The following DAB1 variants were observed in gnomAD, a reference collection of about 807,000 sequenced individuals.
DAB1 encodes the protein disabled homolog 1.
A neutral mutation model predicts 64.6 loss-of-function variants in DAB1; 15 were observed. That is an observed-to-expected ratio of 0.23 (90% confidence interval 0.16 to 0.36). The LOEUF (loss-of-function observed/expected upper bound fraction) is 0.36. Ranked by LOEUF, DAB1 falls within the 10% of genes least tolerant of loss-of-function variation. The pLI is 1.00. For synonymous variants in DAB1, 235 were observed against 251.9 expected (o/e 0.93, Z 0.64); for missense variants, 596 against 706.7 (o/e 0.84, Z 1.78).
chr1:57,438,711 A>T (rs763733387), intron 7 of DAB1, among the ~76,000 whole-genome samples: 8 of 152,192 alleles, frequency 5.3e-5, no homozygotes, highest in Non-Finnish European at 1.0e-4. Context: ...GAGTCCCATG[A>T]TAATACATTT....
intron 5 of DAB1, among the ~76,000 whole-genome samples, chr1:57,905,333 T>C (rs1373251888): frequency 6.6e-6 from 1 of 151,836 alleles, no homozygotes; most frequent in East Asian, 2.0e-4. Flanking sequence ...TCACAGCAGT[T>C]GAGGTGAGGA....
chr1:57,293,378 T>A (rs1672935382), intron 1 of DAB1, among the ~76,000 whole-genome samples: 1 of 152,170 alleles, frequency 6.6e-6, no homozygotes, highest in Non-Finnish European at 1.5e-5. Flanking sequence ...GCCACATGAT[T>A]TGAGGAAGTT....
intron 6 of DAB1, among the ~76,000 whole-genome samples, chr1:57,736,375 T>C (rs1036279299): frequency 6.6e-6 from 1 of 152,112 alleles, no homozygotes; most frequent in African/African-American, 2.4e-5. Flanking sequence ...TTCTCTAAGG[T>C]AGTTTTGACT....
chr1:57,530,393 G>A (rs995623134), intron 7 of DAB1, among the ~76,000 whole-genome samples: 23 of 152,118 alleles, frequency 1.5e-4, no homozygotes, highest in African/African-American at 5.3e-4. Context: ...TTGGGCACAT[G>A]AACCAATATG....
At chr1:57,328,867 A>G (rs1676405832) in intron 1 of DAB1, among the ~76,000 whole-genome samples, 1 of 152,180 alleles carries the variant, frequency 6.6e-6, no homozygotes, top group African/African-American at 2.4e-5. Flanking sequence ...ATATCTGACC[A>G]TTACTTAGCA....
intron 3 of DAB1, among the ~76,000 whole-genome samples, chr1:58,463,974 A>G (rs1369403872): frequency 1.3e-5 from 2 of 152,246 alleles, no homozygotes; most frequent in Non-Finnish European, 2.9e-5. Context: ...CTGAGCTCAC[A>G]GCTCCAAGCA....
At chr1:57,897,005 C>T (rs964001069) in intron 5 of DAB1, among the ~76,000 whole-genome samples, 1 of 152,052 alleles carries the variant, frequency 6.6e-6, no homozygotes, top group Non-Finnish European at 1.5e-5. Flanking sequence ...ACAGGCTGGC[C>T]GTTTAATGAC....
intron 2 of DAB1, among the ~76,000 whole-genome samples, chr1:57,213,419 T>C (rs1666181424): frequency 6.6e-6 from 1 of 152,068 alleles, no homozygotes; most frequent in Non-Finnish European, 1.5e-5. Flanking sequence ...GCCACCAAAA[T>C]AGATAGTGTA....
At chr1:58,297,316 A>C (rs1662017038) in intron 4 of DAB1, among the ~76,000 whole-genome samples, 1 of 152,190 alleles carries the variant, frequency 6.6e-6, no homozygotes, top group Non-Finnish European at 1.5e-5. Flanking sequence ...TATTACTTGG[A>C]TAGGTTGCTT....
intron 4 of DAB1, among the ~76,000 whole-genome samples, chr1:57,078,924 G>A (rs953674194): frequency 5.3e-5 from 8 of 152,164 alleles, no homozygotes; most frequent in Non-Finnish European, 8.8e-5. Context: ...AGTTAGAAAT[G>A]TCCAAAAATG....
intron 3 of DAB1, among the ~76,000 whole-genome samples, chr1:58,501,983 A>G (rs1215025661): frequency 6.6e-6 from 1 of 152,110 alleles, no homozygotes; most frequent in Non-Finnish European, 1.5e-5. Flanking sequence ...TTACTGCAGA[A>G]TAAGCTTCAT....
intron 7 of DAB1, among the ~76,000 whole-genome samples, chr1:57,499,584 C>A (rs895949049): frequency 6.6e-6 from 1 of 152,010 alleles, no homozygotes; most frequent in Non-Finnish European, 1.5e-5. Flanking sequence ...TGAGTTTGTC[C>A]CGGACTGGTG....
chr1:57,277,375 G>GT (rs903983712), intron 2 of DAB1, among the ~76,000 whole-genome samples: 11 of 151,760 alleles, frequency 7.2e-5, no homozygotes, highest in South Asian at 4.2e-4. Context: ...TATGAAAACG[G>GT]TTTTTTTTCC....
At chr1:58,398,841 T>A (rs1411490837) in intron 3 of DAB1, among the ~76,000 whole-genome samples, 1 of 152,214 alleles carries the variant, frequency 6.6e-6, no homozygotes, top group African/African-American at 2.4e-5. Context: ...CAGTTCTGTT[T>A]CTGCCACTGC....
chr1:57,751,221 T>C (rs1648535147), intron 6 of DAB1, among the ~76,000 whole-genome samples: 1 of 152,082 alleles, frequency 6.6e-6, no homozygotes, highest in African/African-American at 2.4e-5. Context: ...ATCAGATTCC[T>C]TGTTGAGAAT....
At chr1:57,983,209 A>C (rs1484088595) in intron 5 of DAB1, among the ~76,000 whole-genome samples, 2 of 152,204 alleles carry the variant, frequency 1.3e-5, no homozygotes, top group Non-Finnish European at 2.9e-5. Context: ...ACATTCACTA[A>C]ATTTGGAGGT....
chr1:57,679,660 C>T (rs6683878), intron 6 of DAB1, among the ~76,000 whole-genome samples: 2,317 of 152,296 alleles, frequency 0.015, 85 homozygotes, highest in African/African-American at 0.053. Flanking sequence ...CAAGCACACG[C>T]ACACACGCCT....
rs1313949938 is a variant in DAB1 at position 58,533,886 on chromosome 1, TAA to T, written n.33-6553_33-6552del. The T allele has an allele frequency of 2.8e-5, 23 of 816,666 alleles. No individual in the cohort carries two copies. The African/African-American group carries it at 3.7e-4, about 13-fold the overall frequency. 50.6% of individuals were successfully genotyped at this position (816,666 alleles called of 1,614,324 possible). The stretch of plus-strand genomic sequence containing the variant: ...AAAAACCTGAAAAAAATCAGTTCTT[TAA>T]AAGATTTAACTTGTTAACTTCAAAG... On this transcript the variant is annotated intron_variant and non_coding_transcript_variant, in intron 1 of 20. Transcript: ENST00000485760.
intron 7 of DAB1, among the ~76,000 whole-genome samples, chr1:57,542,207 G>A (rs1644810269): frequency 6.6e-6 from 1 of 152,050 alleles, no homozygotes; most frequent in South Asian, 2.1e-4. Context: ...CATAAGTGTT[G>A]TTTATCTTCC....
Sources: allele counts gnomAD v4.1 joint callset (sites outside exome capture counted in the v4.1 genomes callset), GRCh38; gene constraint gnomAD v4.1.1; transcripts MANE v1.5; gene names NCBI Gene and HGNC (gene_info 2026-07-23, HGNC 2026-07-21).